Variants in PAX4 observed in about 807,000 individuals in gnomAD.
The protein encoded by PAX4 is paired box protein Pax-4.
Under a neutral mutation model 40.6 loss-of-function variants are expected in PAX4, and 33 were observed. The ratio of observed to expected loss-of-function variants is 0.81; its 90% CI spans 0.62 to 1.09. PAX4 has a LOEUF of 1.09. Among genes scored for constraint, PAX4 ranks in the 50% least tolerant of loss-of-function variants. PAX4 has a pLI of 0.00. For synonymous variants in PAX4, 174 were observed against 170.6 expected, an observed-to-expected ratio of 1.02 and a Z score of -0.16; for missense variants, 459 against 442.5, an observed-to-expected ratio of 1.04 and a Z score of -0.33.
Position 127,610,574 on chromosome 7 carries a change from C to T in PAX4, c.*490G>A, listed in dbSNP as rs536286906. 4.2e-3 allele frequency: 1,269 copies of T among 305,270 alleles called. 19 individuals are homozygous for T. The highest frequency in any genetic ancestry group is 0.037 in the African/African-American group (1,104 of 30,124). The allele number at this position is 305,270 out of a possible 1,614,324, so 18.9% of individuals were successfully genotyped here. ...GTGTGTGTGTGTGTGTGTGTGTGCG[C>T]GCACGCATGCACGCATACATAATAC... On this transcript the variant is annotated 3_prime_UTR_variant, in exon 12 of 12. Coordinates refer to ENST00000639438, the MANE Select transcript of PAX4 (RefSeq NM_001366110.1).
chr7:127,613,544 G>A lies in PAX4; in HGVS notation c.563-12C>T, dbSNP rs567083748. On this transcript the variant is annotated splice_polypyrimidine_tract_variant and intron_variant, in intron 7 of 11. Transcript: ENST00000639438. ...CCCACGCTGGAACTCTGCGGAGATC[G>A]AGTCTCACAAAGTAAGGGCACCGGG... 210 of 1,613,922 alleles carry A rather than the reference G, an allele frequency of 1.3e-4. 2 individuals carry two copies. In the South Asian group the frequency reaches 2.2e-3, roughly 17 times the overall value.
In PAX4 at chr7:127,615,431, C is replaced by T. The variant is rs1794708957; in HGVS notation, c.114G>A (p.Met38Ile). The change falls in exon 4 of 12, where the codon ATG (methionine) becomes ATA (isoleucine). Residue 38 changes from methionine (M) to isoleucine (I), a missense_variant. Coordinates refer to ENST00000639438, the MANE Select transcript of PAX4 (RefSeq NM_001366110.1). ...QQIVRLAVSG[M>I]RPCDISRILK... Reference sequence around the variant, plus strand: ...GGATCCGTGAGATGTCACAGGGCCGCATTCCACTGACTGCTAGCCGCACAA... The same window carrying T: ...GGATCCGTGAGATGTCACAGGGCCGTATTCCACTGACTGCTAGCCGCACAA... The T allele has an allele frequency of 1.2e-6, 2 of 1,614,234 alleles. No individual in the cohort carries two copies. Among genetic ancestry groups the T allele is most frequent in the African/African-American group, 1.3e-5 (1 of 75,054 alleles).
Position 127,615,049 on chromosome 7 carries a change from G to A in PAX4, c.191C>T (p.Thr64Ile). The change falls in exon 5 of 12, where the codon ACA (threonine) becomes ATA (isoleucine). Residue 64 changes from threonine (T) to isoleucine (I), a missense_variant. Thr to Ile is a moderately conservative substitution (Grantham distance 89, BLOSUM62 -1). Transcript: ENST00000639438. ...AATGCCCTTTGGCTCCAAGACACCT[G>A]TGCGGTAGTAACGCCCTAGGATCTT... ...VSKILGRYYR[T>I]GVLEPKGIGG... 2.5e-6 allele frequency: 4 copies of A among 1,614,202 alleles called. No homozygotes were observed. Among genetic ancestry groups the A allele is most frequent in the African/African-American group, 1.3e-5 (1 of 75,056 alleles).
Position 127,610,625 on chromosome 7 carries a change from G to T in PAX4, c.*439C>A. 1 of 565,474 alleles carries T rather than the reference G, an allele frequency of 1.8e-6. No individual in the cohort carries two copies. 35.0% of individuals were successfully genotyped at this position (565,474 alleles called of 1,614,324 possible). A position where few individuals can be genotyped will look rare whatever the true frequency, so the allele number is the denominator to read the frequency against. On this transcript the variant is annotated 3_prime_UTR_variant, in exon 12 of 12. Transcript: ENST00000639438. ...ACATATAGATGCATACATAGAGTAGGTAAATTGATGCATTGACAAATACAT... is the reference window on the plus strand; with the variant it reads ...ACATATAGATGCATACATAGAGTAGTTAAATTGATGCATTGACAAATACAT...
chr7:127,612,073 G>A (rs1391987254), intron 9 of PAX4, 73 bp from the exon 10 acceptor site: 3 of 1,440,876 alleles, frequency 2.1e-6, no homozygotes, highest in Non-Finnish European at 2.9e-6. Context: ...GTGAGAGGCA[G>A]GAAGGTTGGA....
intron 7 of PAX4, 26 bp from the exon 8 acceptor site, chr7:127,613,558 A>G (rs1015291619): frequency 6.2e-7 from 1 of 1,612,948 alleles, no homozygotes; most frequent in African/African-American, 1.3e-5. Flanking sequence ...CTCACAAAGT[A>G]AGGGCACCGG....
rs1350162537 is a variant in PAX4 at position 127,611,984 on chromosome 7, C to G, written c.732G>C (p.Leu244=). The G allele has an allele frequency of 1.2e-6, 2 of 1,614,092 alleles. No homozygotes were observed. The highest frequency in any genetic ancestry group is 2.2e-5 in the South Asian group (2 of 91,064). The change falls in exon 10 of 12, where the codon CTG becomes CTC. Residue 244 remains leucine, a synonymous_variant. Transcript: ENST00000639438. ...EMQLPGASQG[L]TVPRVAPGII... is the part of the protein sequence containing the mutation. ...TTCCTGGGGCAACCCTTGGTACAGTCAGCCCCTGGGAAGCACCTATAAAAT... is the reference window on the plus strand; with the variant it reads ...TTCCTGGGGCAACCCTTGGTACAGTGAGCCCCTGGGAAGCACCTATAAAAT...
intron 11 of PAX4, 141 bp from the exon 12 acceptor site, chr7:127,611,347 T>C (rs1794622267): frequency 3.0e-6 from 4 of 1,343,460 alleles, no homozygotes; most frequent in South Asian, 2.5e-5. Context: ...TTACCTGCTA[T>C]GGCTGTCAGT....
rs1203312587 is a variant in PAX4, at chr7:127,614,921, G to A, written c.319C>T (p.Leu107Phe). ...TGGGTGCAAAGCCCTTCAGCACAAA[G>A]CTGGCGTTGGATTTCCCAGGCAAAG... is the stretch of plus-strand genomic sequence containing the variant. Reference protein sequence around the residue: ...ALFAWEIQRQLCAEGLCTQDK... With the variant: ...ALFAWEIQRQFCAEGLCTQDK... Residue 107 changes from leucine (L) to phenylalanine (F), a missense_variant, in exon 5 of 12, where the codon CTT becomes TTT. Leu to Phe is a conservative substitution (Grantham distance 22). Coordinates refer to ENST00000639438, the MANE Select transcript of PAX4 (RefSeq NM_001366110.1). The A allele has an allele frequency of 6.2e-7, 1 of 1,614,054 alleles. No homozygotes were observed. Among genetic ancestry groups the A allele is most frequent in the Non-Finnish European group, 8.5e-7 (1 of 1,180,038 alleles).
chr7:127,616,753 C>G (rs1441298691), intron 2 of PAX4, among the ~76,000 whole-genome samples: 1 of 152,242 alleles, frequency 6.6e-6, no homozygotes, highest in Non-Finnish European at 1.5e-5. Context: ...GACGATGTTT[C>G]TGGTATCAGA....
At chr7:127,612,047 G>T in intron 9 of PAX4, 47 bp from the exon 10 acceptor site, 2 of 1,584,016 alleles carry the variant, frequency 1.3e-6, no homozygotes, top group Non-Finnish European at 1.7e-6. Flanking sequence ...TTGGGGTTAG[G>T]GACGGGAGGA....
At chr7:127,611,847 C>T (rs767435981) in intron 10 of PAX4, 98 bp downstream of exon 10, 2 of 1,597,058 alleles carry the variant, frequency 1.3e-6, no homozygotes, top group South Asian at 2.2e-5. Flanking sequence ...CACTGTGGGG[C>T]CCTGGAGAGC....
chr7:127,615,627 C>T, intron 3 of PAX4, 96 bp from the exon 4 acceptor site: 1 of 1,601,840 alleles, frequency 6.2e-7, no homozygotes, highest in African/African-American at 1.3e-5. Context: ...TGGCTTCCCA[C>T]CACCGAGTGC....
chr7:127,614,683 CCT>C (rs143347689), intron 5 of PAX4, 126 bp from the exon 6 acceptor site: 1,665 of 1,057,906 alleles, frequency 1.6e-3, no homozygotes, highest in Non-Finnish European at 2.0e-3. Context: ...AGGGCAGCCT[CCT>C]CTCTCTCTCT....
At chr7:127,612,090 G>C in intron 9 of PAX4, 90 bp from the exon 10 acceptor site, 1 of 1,289,502 alleles carries the variant, frequency 7.8e-7, no homozygotes, top group Non-Finnish European at 1.1e-6. Context: ...TGGATACAAA[G>C]AGGTTCTAGG....
intron 10 of PAX4, 94 bp downstream of exon 10, chr7:127,611,851 G>A (rs1481012958): frequency 6.3e-7 from 1 of 1,598,940 alleles, no homozygotes; most frequent in East Asian, 2.2e-5. Context: ...GTGGGGCCCT[G>A]GAGAGCCGGA....
At chr7:127,614,013 T>A in intron 6 of PAX4, 132 bp from the exon 7 acceptor site, 2 of 1,046,332 alleles carry the variant, frequency 1.9e-6, no homozygotes, top group South Asian at 1.4e-5. Flanking sequence ...GGTGGGGCAT[T>A]CATAGTTATT....
rs1389736532 is a variant in PAX4, at chr7:127,614,464, G to T, written c.436+18C>A. On this transcript the variant is annotated intron_variant, in intron 6 of 11. Coordinates refer to ENST00000639438, the MANE Select transcript of PAX4 (RefSeq NM_001366110.1). The stretch of plus-strand genomic sequence containing the variant: ...AGATTTGGCTGTGATTAGCCCTGGG[G>T]ACAACTCCAAGACCCACCTGGTGAC... The T allele has an allele frequency of 1.9e-6, 3 of 1,576,562 alleles. No individual in the cohort carries two copies. In the Admixed American group the frequency reaches 5.4e-5, roughly 28 times the overall value.
chr7:127,614,474 AG>A lies in PAX4; in HGVS notation c.436+7del. On this transcript the variant is annotated splice_region_variant and intron_variant, in intron 6 of 11. Coordinates refer to ENST00000639438, the MANE Select transcript of PAX4 (RefSeq NM_001366110.1). ...GTGATTAGCCCTGGGGACAACTCCA[AG>A]ACCCACCTGGTGACCTGAGCCGTGT... The A allele has an allele frequency of 1.0e-5, 16 of 1,588,558 alleles. No individual in the cohort carries two copies. Among genetic ancestry groups the A allele is most frequent in the Non-Finnish European group, 1.4e-5 (16 of 1,166,268 alleles).
Sources: allele counts gnomAD v4.1 joint callset (sites outside exome capture counted in the v4.1 genomes callset), GRCh38; gene constraint gnomAD v4.1.1; transcripts MANE v1.5; gene names NCBI Gene and HGNC (gene_info 2026-07-23, HGNC 2026-07-21).